The following USP30 variants were observed in gnomAD, a reference collection of about 807,000 sequenced individuals.
USP30 encodes ubiquitin carboxyl-terminal hydrolase 30.
USP30 carries 41 observed loss-of-function variants against 68.2 expected under a neutral mutation model. That is an observed-to-expected ratio of 0.60 (90% confidence interval 0.47 to 0.78). The LOEUF is 0.78. USP30 is among the 30% of genes least tolerant of loss of function. The pLI, the probability that USP30 is intolerant of heterozygous loss-of-function variation, is 0.00. For missense variants in USP30, 522 were observed against 649.4 expected, an observed-to-expected ratio of 0.80 and a Z score of 2.13; for synonymous variants, 229 against 253.7, an observed-to-expected ratio of 0.90 and a Z score of 0.93.
chr12:109,067,432 T>A, intron 3 of USP30, 92 bp from the exon 4 acceptor site: 1 of 1,201,286 alleles, frequency 8.3e-7, no homozygotes, highest in Non-Finnish European at 1.2e-6. Context: ...TCTTTAATTT[T>A]TAATTAACTT....
At chr12:109,037,100 T>C (rs932186675) in intron 3 of USP30, among the ~76,000 whole-genome samples, 1 of 152,202 alleles carries the variant, frequency 6.6e-6, no homozygotes, top group African/African-American at 2.4e-5. Context: ...TCTCTGAGCC[T>C]ATGTTCATTT....
upstream of USP30, among the ~76,000 whole-genome samples, chr12:109,048,078 CTT>C (rs571441531): frequency 2.5e-4 from 33 of 134,266 alleles, no homozygotes; most frequent in Admixed American, 5.2e-4. Context: ...AGAATGCCTA[CTT>C]TTTTTTTTTT....
In USP30 at chr12:109,070,100, G is replaced by C. The variant is rs2041389312; in HGVS notation, c.481-1512G>C. ...CAGCGGGGAGCCACTAGAGGACTTTGAACTGGGGACTGGTTTGATCTGACT... is the reference window on the plus strand; with the variant it reads ...CAGCGGGGAGCCACTAGAGGACTTTCAACTGGGGACTGGTTTGATCTGACT... On this transcript the variant is annotated intron_variant, in intron 4 of 12. Coordinates refer to ENST00000257548, the MANE Select transcript of USP30 (RefSeq NM_032663.5). This position sits in a 1 kb window ranked among gnomAD's most constrained non-coding sequence, Gnocchi z 4.0. 6.6e-6 allele frequency among the ~76,000 whole-genome samples: 1 copy of C among 152,094 alleles called. No individual in the cohort carries two copies. The highest frequency in any genetic ancestry group is 1.5e-5 in the Non-Finnish European group (1 of 68,014).
At chr12:109,038,350 G>C (rs1299223013) in intron 3 of USP30, among the ~76,000 whole-genome samples, 1 of 151,954 alleles carries the variant, frequency 6.6e-6, no homozygotes, top group African/African-American at 2.4e-5. Context: ...CATTTTTATG[G>C]TTGCATAGTA....
rs1357886591 is a variant in USP30 at position 109,087,557 on chromosome 12, T to A, written c.*1626T>A. On this transcript the variant is annotated 3_prime_UTR_variant, in exon 13 of 13. Transcript: ENST00000257548. ...GCAGACCTTGACTTTGATGTTGAAATGAACACACTTGTTTTACCCAAGTCT... is the reference window on the plus strand; with the variant it reads ...GCAGACCTTGACTTTGATGTTGAAAAGAACACACTTGTTTTACCCAAGTCT... 1.3e-5 allele frequency: 2 copies of A among 152,302 alleles called. No individual in the cohort carries two copies. The highest frequency in any genetic ancestry group is 4.8e-5 in the African/African-American group (2 of 41,466). The allele number at this position is 152,302 out of a possible 1,614,324, so 9.4% of individuals were successfully genotyped here. A position where few individuals can be genotyped will look rare whatever the true frequency, so the allele number is the denominator to read the frequency against.
intron 7 of USP30, among the ~76,000 whole-genome samples, chr12:109,076,435 T>C (rs539593578): frequency 9.3e-4 from 142 of 152,166 alleles, no homozygotes; most frequent in African/African-American, 3.2e-3. Flanking sequence ...CTTTGCCTTA[T>C]TATCCTGGCT....
intron 3 of USP30, among the ~76,000 whole-genome samples, chr12:109,030,140 T>A (rs2040470699): frequency 6.6e-6 from 1 of 152,234 alleles, no homozygotes; most frequent in African/African-American, 2.4e-5. Context: ...ACAAAAATCC[T>A]GTCGCCCTGC....
In USP30 at chr12:109,079,320, C is replaced by CT. The variant is rs1490371384; in HGVS notation, c.721-2007dup. ...TTCACGTTCACTGATTCTTTTTTCTCTTTTTTTCTTTTCTTTTTCTTTTTT... is the reference window on the plus strand; with the variant it reads ...TTCACGTTCACTGATTCTTTTTTCTCTTTTTTTTCTTTTCTTTTTCTTTTTT... On this transcript the variant is annotated intron_variant, in intron 7 of 12. Coordinates refer to ENST00000257548, the MANE Select transcript of USP30 (RefSeq NM_032663.5). Among the ~76,000 whole-genome samples, 4 of 60,070 alleles carry CT rather than the reference C, an allele frequency of 6.7e-5. No homozygotes were observed. The East Asian group carries it at 1.4e-3, about 21-fold the overall frequency. 39.4% of individuals were successfully genotyped at this position (60,070 alleles called of 152,430 possible).
At chr12:109,040,490 A>G (rs764359520) in intron 3 of USP30, among the ~76,000 whole-genome samples, 25 of 152,200 alleles carry the variant, frequency 1.6e-4, no homozygotes, top group Non-Finnish European at 3.5e-4. Flanking sequence ...AAAATTAACA[A>G]TTGTTATCCC....
intron 3 of USP30, among the ~76,000 whole-genome samples, chr12:109,043,159 G>T (rs987550803): frequency 1.3e-5 from 2 of 152,200 alleles, no homozygotes; most frequent in African/African-American, 4.8e-5. Flanking sequence ...TCGTTAAAAT[G>T]TCAATACTAC....
At chr12:109,049,710 G>A (rs1477789466), upstream of USP30, among the ~76,000 whole-genome samples, 3 of 152,148 alleles carry the variant, frequency 2.0e-5, no homozygotes, top group African/African-American at 7.2e-5. Flanking sequence ...AGCTATTTGG[G>A]TGGCTGAGGC....
Position 109,055,495 on chromosome 12 carries a change from T to C in USP30, c.84-1187T>C, listed in dbSNP as rs556238387. Among the ~76,000 whole-genome samples, 158 of 142,550 alleles carry C rather than the reference T, an allele frequency of 1.1e-3. 1 individual carries two copies. The highest frequency in any genetic ancestry group is 3.7e-3 in the African/African-American group (145 of 39,088). The allele number at this position is 142,550 out of a possible 152,430, so 93.5% of individuals were successfully genotyped here. ...TGGGCTCACTGTAACCTCCGCCTCT[T>C]GGACTCAAGCCATTCTGCCTCGGCC... On this transcript the variant is annotated intron_variant, in intron 1 of 12. Coordinates refer to ENST00000257548, the MANE Select transcript of USP30 (RefSeq NM_032663.5).
At chr12:109,027,163 C>G (rs1210847965) in intron 2 of USP30, among the ~76,000 whole-genome samples, 1 of 152,138 alleles carries the variant, frequency 6.6e-6, no homozygotes, top group Admixed American at 6.5e-5. Context: ...GTTATATAAC[C>G]ATCACGCTAT....
intron 9 of USP30, chr12:109,082,449 G>A (rs537216159): frequency 9.1e-5 from 53 of 579,740 alleles, no homozygotes; most frequent in Non-Finnish European, 1.4e-4. Context: ...ATCAGTGTTC[G>A]CTCTTCACAT....
At chr12:109,075,617 G>T (rs973968576) in intron 7 of USP30, among the ~76,000 whole-genome samples, 4 of 152,200 alleles carry the variant, frequency 2.6e-5, no homozygotes, top group Non-Finnish European at 5.9e-5. Context: ...CTCCCAAAGT[G>T]CTGGGATTAA....
intron 1 of USP30, chr12:109,023,253 C>G (rs375973071): frequency 1.3e-5 from 2 of 152,210 alleles, no homozygotes; most frequent in Non-Finnish European, 2.9e-5. Flanking sequence ...TATGCTCACT[C>G]TAAACAGCCC....
At chr12:109,063,623 C>T (rs1010538629) in intron 3 of USP30, among the ~76,000 whole-genome samples, 2 of 152,194 alleles carry the variant, frequency 1.3e-5, no homozygotes, top group Admixed American at 1.3e-4. Context: ...AGCTGCTGTG[C>T]TGTTTTCCAC....
At chr12:109,052,533 G>T, upstream of USP30, 1 of 678,746 alleles carries the variant, frequency 1.5e-6, no homozygotes, top group Non-Finnish European at 2.2e-6. Context: ...CGGTCCCCCT[G>T]GGAGCTGTCC....
intron 3 of USP30, among the ~76,000 whole-genome samples, chr12:109,063,106 AT>A (rs71443832): frequency 0.51 from 76,168 of 149,892 alleles, 21,511 homozygotes; most frequent in East Asian, 0.82. Flanking sequence ...TATTCTTTCT[AT>A]TTTTTTTTTT....
Sources: allele counts gnomAD v4.1 joint callset (sites outside exome capture counted in the v4.1 genomes callset), GRCh38; gene constraint gnomAD v4.1.1; non-coding constraint Gnocchi (gnomAD v3.1); transcripts MANE v1.5; gene names NCBI Gene and HGNC (gene_info 2026-07-23, HGNC 2026-07-21).